The following MEGF6 variants were observed in gnomAD, a reference collection of about 807,000 sequenced individuals.
The protein encoded by MEGF6 is multiple epidermal growth factor-like domains protein 6.
Under a neutral mutation model 207.1 loss-of-function variants are expected in MEGF6, and 184 were observed. The ratio of observed to expected loss-of-function variants is 0.89; its 90% CI spans 0.79 to 1.00. The LOEUF is 1.00. Ranked by LOEUF, MEGF6 falls within the 50% of genes least tolerant of loss-of-function variation. The pLI is 0.00. For synonymous variants in MEGF6, 1,038 were observed against 910.0 expected (o/e 1.14, Z -2.53); for missense variants, 2,282 against 2,202.9 (o/e 1.04, Z -0.72).
chr1:3,498,997 C>T (rs946504624), intron 24 of MEGF6, 141 bp downstream of exon 24: 1 of 1,410,978 alleles, frequency 7.1e-7, no homozygotes, highest in South Asian at 1.4e-5. Context: ...TGGAGAGGGG[C>T]ACAGGTGAAA....
chr1:3,534,530 C>A (rs1280299344), intron 4 of MEGF6, among the ~76,000 whole-genome samples: 1 of 152,128 alleles, frequency 6.6e-6, no homozygotes, highest in African/African-American at 2.4e-5. Flanking sequence ...TAGCACCTCC[C>A]TCCTGTGGGA....
chr1:3,490,948 G>A lies in MEGF6; in HGVS notation c.4528C>T (p.Arg1510Trp), dbSNP rs773757401. 2.7e-5 allele frequency: 44 copies of A among 1,601,188 alleles called. 1 individual carries two copies. The highest frequency in any genetic ancestry group is 2.1e-4 in the South Asian group (19 of 89,392). ...GCTAAGGACGGGTTCTCGGGGAGCC[G>A]GAGGGGCCCACCTGGAGGGGAGAGA... ...GPTCREGGPLRLPENPSLAQG... is the reference protein window; with the variant it reads ...GPTCREGGPLWLPENPSLAQG... The change falls in exon 36 of 37, where the codon CGG (arginine) becomes TGG (tryptophan). Residue 1510 changes from arginine (R) to tryptophan (W), a missense_variant. Coordinates refer to ENST00000356575, the MANE Select transcript of MEGF6 (RefSeq NM_001409.4).
rs2794340 is a variant in MEGF6, at chr1:3,579,915, T to C, written c.391A>G (p.Ser131Gly). 1,382,749 of 1,530,188 alleles carry C rather than the reference T, an allele frequency of 0.9. 626,247 individuals are homozygous for C. The highest frequency in any genetic ancestry group is 0.92 in the Non-Finnish European group (1,050,195 of 1,147,184). The allele number at this position is 1,530,188 out of a possible 1,614,324, so 94.8% of individuals were successfully genotyped here. ...EGCLSAECSASLCFHGGRCVP... is the reference protein window; with the variant it reads ...EGCLSAECSAGLCFHGGRCVP... ...CAACGGCCACCGTGAAAACAGAGGC[T>C]GGCGCTGCATTCAGCTGCGGAGGGA... The change falls in exon 4 of 37, where the codon AGC (serine) becomes GGC (glycine). Residue 131 changes from serine to glycine, a missense_variant. Ser to Gly is a moderately conservative substitution (Grantham distance 56). Transcript: ENST00000356575.
rs150631218 is a variant in MEGF6, at chr1:3,524,715, G to T, written c.482-469C>A. On this transcript the variant is annotated intron_variant, in intron 4 of 36. Transcript: ENST00000356575. ...AGGGGAGGGCGTGCTGGCTTCAAGA[G>T]TGTCCCCGCAGTTCATGGCCATCTG... Among the ~76,000 whole-genome samples the T allele has an allele frequency of 1.3e-3, 197 of 152,350 alleles. 1 individual carries two copies. Among genetic ancestry groups the T allele is most frequent in the Non-Finnish European group, 2.1e-3 (145 of 68,032 alleles).
At chr1:3,507,370 T>C (rs1045722605) in intron 14 of MEGF6, among the ~76,000 whole-genome samples, 2 of 152,170 alleles carry the variant, frequency 1.3e-5, no homozygotes, top group African/African-American at 4.8e-5. Context: ...TCAGAGTTAA[T>C]AAGGGAGCCA....
chr1:3,573,095 T>C lies in MEGF6; in HGVS notation c.481+6730A>G, dbSNP rs1046051432. 1.3e-5 allele frequency among the ~76,000 whole-genome samples: 2 copies of C among 149,958 alleles called. No individual in the cohort carries two copies. The highest frequency in any genetic ancestry group is 2.5e-5 in the African/African-American group (1 of 40,310). On this transcript the variant is annotated intron_variant, in intron 4 of 36. Transcript: ENST00000356575. This position sits in a 1 kb window ranked among gnomAD's most constrained non-coding sequence, Gnocchi z 5.1. ...GCTGGGTTCCCTCAGGTGTGCTGGG[T>C]CCTTCCTGGTATGCTGGGTCCTCCT...
At chr1:3,493,513 A>G (rs1023548851) in intron 34 of MEGF6, 4 of 551,988 alleles carry the variant, frequency 7.2e-6, no homozygotes, top group South Asian at 2.4e-5. Flanking sequence ...GCCCCCTCCC[A>G]TGACCATGGC....
chr1:3,614,652 G>GT (rs1290776313), upstream of MEGF6, among the ~76,000 whole-genome samples: 2 of 152,228 alleles, frequency 1.3e-5, no homozygotes, highest in Non-Finnish European at 2.9e-5. Flanking sequence ...GATGTATGTA[G>GT]TTTTTCCTCT....
intron 4 of MEGF6, among the ~76,000 whole-genome samples, chr1:3,562,910 T>C (rs1643242379): frequency 6.6e-6 from 1 of 152,086 alleles, no homozygotes; most frequent in South Asian, 2.1e-4. Context: ...CCAGCCCCTC[T>C]GTACACCCAC....
rs779817819 is a variant in MEGF6, at chr1:3,571,287, C to T, written c.481+8538G>A. ...TCTCCCAGCCCAGGTGTCAGGTGTC[C>T]GGTGCTTGTAGGACACGACCCCACC... On this transcript the variant is annotated intron_variant, in intron 4 of 36. Coordinates refer to ENST00000356575, the MANE Select transcript of MEGF6 (RefSeq NM_001409.4). Among the ~76,000 whole-genome samples, 21 of 152,228 alleles carry T rather than the reference C, an allele frequency of 1.4e-4. 1 individual carries two copies. Among genetic ancestry groups the T allele is most frequent in the Admixed American group, 4.6e-4 (7 of 15,298 alleles).
chr1:3,530,935 C>T, intron 4 of MEGF6: 2 of 1,150,414 alleles, frequency 1.7e-6, no homozygotes, highest in Non-Finnish European at 2.3e-6. Context: ...CAGAAGCAGG[C>T]GCGCCTGCCG....
Position 3,512,367 on chromosome 1 carries a change from A to G in MEGF6, c.854-239T>C, listed in dbSNP as rs146546641. ...TAAGCCTGTTGCATGACCAGGTGCC[A>G]GTGCCCAGGCAGCACTTTCCTGGTG... On this transcript the variant is annotated intron_variant, in intron 7 of 36. Coordinates refer to ENST00000356575, the MANE Select transcript of MEGF6 (RefSeq NM_001409.4). Among the ~76,000 whole-genome samples, 569 of 152,376 alleles carry G rather than the reference A, an allele frequency of 3.7e-3. 1 individual carries two copies. Among genetic ancestry groups the G allele is most frequent in the African/African-American group, 0.012 (507 of 41,590 alleles).
At chr1:3,563,214 C>G (rs141918549) in intron 4 of MEGF6, among the ~76,000 whole-genome samples, 475 of 152,340 alleles carry the variant, frequency 3.1e-3, no homozygotes, top group Middle Eastern at 0.01. Flanking sequence ...CCTGCCCAAA[C>G]CTTCATCAAG....
intron 4 of MEGF6, chr1:3,531,373 C>A: frequency 1.7e-6 from 2 of 1,180,474 alleles, no homozygotes; most frequent in Non-Finnish European, 2.1e-6. Flanking sequence ...ATCCCAGCCC[C>A]GGGATCCGCT....
At position 3,494,004 on chromosome 1, in the gene MEGF6, C is replaced by A. The variant is rs777673938; in HGVS notation, c.4250G>T (p.Cys1417Phe). ...LCPAGFHGHF[C>F]ERGCEPGSFG... is the part of the protein sequence containing the mutation. ...AGGCACCAAGCACTCACCCCTCTCA[C>A]AGAAGTGGCCGTGGAAGCCGGCAGG... The change falls in exon 33 of 37, where the codon TGT (cysteine) becomes TTT (phenylalanine). Residue 1417 changes from cysteine (C) to phenylalanine (F), a missense_variant. Physicochemically the swap from Cys to Phe is radical, Grantham distance 205. Transcript: ENST00000356575. 6.2e-7 allele frequency: 1 copy of A among 1,601,580 alleles called. No individual in the cohort carries two copies. Among genetic ancestry groups the A allele is most frequent in the African/African-American group, 1.3e-5 (1 of 74,694 alleles).
In MEGF6 at chr1:3,602,727, AC is replaced by A. The variant is rs1644180693; in HGVS notation, c.132-128del. Reference sequence around the variant, plus strand: ...GGTCCAGACCCGTGGCCAGGCCTCCACGGCACAGTGCCCATGCCAGTGCCCC... The same window carrying A: ...GGTCCAGACCCGTGGCCAGGCCTCCAGGCACAGTGCCCATGCCAGTGCCCC... On this transcript the variant is annotated intron_variant, in intron 1 of 36. Coordinates refer to ENST00000356575, the MANE Select transcript of MEGF6 (RefSeq NM_001409.4). The A allele has an allele frequency of 2.2e-6, 3 of 1,347,660 alleles. No individual in the cohort carries two copies. In the Admixed American group the frequency reaches 8.0e-5, roughly 36 times the overall value. 83.5% of individuals were successfully genotyped at this position (1,347,660 alleles called of 1,614,324 possible). A position where few individuals can be genotyped will look rare whatever the true frequency, so the allele number is the denominator to read the frequency against.
intron 2 of MEGF6, among the ~76,000 whole-genome samples, chr1:3,602,011 T>A (rs1425482613): frequency 6.6e-6 from 1 of 152,174 alleles, no homozygotes; most frequent in African/African-American, 2.4e-5. Context: ...CTGCAGAGCC[T>A]GAGTCTATAA....
In MEGF6 at chr1:3,498,237, G is replaced by T. The variant is rs1412339376; in HGVS notation, c.3352+134C>A. The T allele has an allele frequency of 5.2e-6, 6 of 1,160,202 alleles. No individual in the cohort carries two copies. The East Asian group carries it at 1.1e-4, about 20-fold the overall frequency. 71.9% of individuals were successfully genotyped at this position (1,160,202 alleles called of 1,614,324 possible). A position where few individuals can be genotyped will look rare whatever the true frequency, so the allele number is the denominator to read the frequency against. On this transcript the variant is annotated intron_variant, in intron 26 of 36. Transcript: ENST00000356575. ...ACAGGGTCTTAGTGCTCCGACGGCA[G>T]CTCTTGCATTCACAGGACAACAGGT...
intron 5 of MEGF6, among the ~76,000 whole-genome samples, chr1:3,521,675 G>A (rs1428851004): frequency 5.3e-5 from 8 of 152,038 alleles, no homozygotes; most frequent in African/African-American, 1.4e-4. Context: ...AGCAGCTCCC[G>A]CTGGGCCCAG....
Sources: allele counts gnomAD v4.1 joint callset (sites outside exome capture counted in the v4.1 genomes callset), GRCh38; gene constraint gnomAD v4.1.1; non-coding constraint Gnocchi (gnomAD v3.1); transcripts MANE v1.5; gene names NCBI Gene and HGNC (gene_info 2026-07-23, HGNC 2026-07-21).